Variants in ZNF248 observed in about 807,000 individuals in gnomAD.
ZNF248 encodes zinc finger protein 248.
Under a neutral mutation model 44.3 loss-of-function variants are expected in ZNF248, and 20 were observed. The ratio of observed to expected loss-of-function variants is 0.45; its 90% confidence interval spans 0.32 to 0.66. ZNF248 has a LOEUF of 0.66. Among genes scored for constraint, ZNF248 ranks in the 30% least tolerant of loss-of-function variants. The pLI is 0.04. For missense variants in ZNF248, 654 were observed against 677.0 expected (o/e 0.97, Z 0.38); for synonymous variants, 224 against 229.0 (o/e 0.98, Z 0.20).
At chr10:37,855,648 T>G (rs1163758283) in intron 3 of ZNF248, among the ~76,000 whole-genome samples, 2 of 152,114 alleles carry the variant, frequency 1.3e-5, no homozygotes, top group Non-Finnish European at 2.9e-5. Flanking sequence ...AAGACCATGG[T>G]TAACAATATA....
chr10:37,828,206 T>C (rs113507001), downstream of ZNF248, among the ~76,000 whole-genome samples: 7 of 152,198 alleles, frequency 4.6e-5, no homozygotes, highest in Non-Finnish European at 7.4e-5. Flanking sequence ...GATACACACA[T>C]GTGAACACAC....
At chr10:37,841,353 G>A (rs1310070534) in intron 3 of ZNF248, among the ~76,000 whole-genome samples, 1 of 149,662 alleles carries the variant, frequency 6.7e-6, no homozygotes, top group African/African-American at 2.5e-5. Context: ...TTAAAGTTAT[G>A]TTCTATTTCC....
the ZNF248 span, among the ~76,000 whole-genome samples, chr10:37,771,018 A>G: frequency 5.3e-5 from 8 of 152,352 alleles, no homozygotes; most frequent in East Asian, 7.7e-4. Context: ...AACACATGAA[A>G]AAATGCTTAT....
chr10:37,838,311 C>T (rs879336099), intron 3 of ZNF248, among the ~76,000 whole-genome samples, 200 bp from the exon 4 acceptor site: 4 of 152,128 alleles, frequency 2.6e-5, no homozygotes, highest in Admixed American at 6.5e-5. Context: ...TGCTGCAAAT[C>T]CTACTGGTGA....
At chr10:37,790,526 A>G (rs2048377540) in intron 6 of ZNF248, among the ~76,000 whole-genome samples, 1 of 151,888 alleles carries the variant, frequency 6.6e-6, no homozygotes, top group Non-Finnish European at 1.5e-5. Context: ...CCTGGCCAAC[A>G]TGGTGAAACC....
At chr10:37,796,729 A>G (rs1441940687) in intron 6 of ZNF248, among the ~76,000 whole-genome samples, 3 of 152,030 alleles carry the variant, frequency 2.0e-5, no homozygotes, top group African/African-American at 7.2e-5. Context: ...GTATTTGTAA[A>G]ATAATATTGT....
chr10:37,782,678 T>C (rs940097494), intron 6 of ZNF248, among the ~76,000 whole-genome samples: 1 of 152,042 alleles, frequency 6.6e-6, no homozygotes. Context: ...TAGAGATACA[T>C]TGGGAGGACA....
the ZNF248 span, among the ~76,000 whole-genome samples, chr10:37,765,732 T>C: frequency 6.6e-6 from 1 of 152,200 alleles, no homozygotes. Context: ...ACTGGGTTCA[T>C]CTCACTAGGG....
rs1286704089 is a variant in ZNF248, at chr10:37,831,188, T to C, written c.*427A>G. 1.9e-6 allele frequency: 3 copies of C among 1,539,632 alleles called. No homozygotes were observed. Among genetic ancestry groups the C allele is most frequent in the Non-Finnish European group, 2.6e-6 (3 of 1,141,312 alleles). On this transcript the variant is annotated 3_prime_UTR_variant, in exon 6 of 6. Transcript: ENST00000395867. ...TCCTTATGATCATGTTGAGTTCCAA[T>C]ATACAAATCAAGCATACTCAAATTT...
At chr10:37,797,513 G>T (rs74838903) in intron 6 of ZNF248, among the ~76,000 whole-genome samples, 3,655 of 152,154 alleles carry the variant, frequency 0.024, 69 homozygotes, top group Non-Finnish European at 0.037. Flanking sequence ...AAAGTGAAAA[G>T]ACATCCCACA....
chr10:37,830,077 G>A lies in ZNF248; in HGVS notation c.*1538C>T, dbSNP rs956470232. 10 of 985,214 alleles carry A rather than the reference G, an allele frequency of 1.0e-5. No homozygotes were observed. In the South Asian group the frequency reaches 1.9e-4, roughly 19 times the overall value. The allele number at this position is 985,214 out of a possible 1,614,324, so 61.0% of individuals were successfully genotyped here. On this transcript the variant is annotated 3_prime_UTR_variant, in exon 6 of 6. Transcript: ENST00000395867. Reference sequence around the variant, plus strand: ...CAGAGATACTCTAAAATACTAATACGCAGAACTAGTGTTACATAGACCGTG... The same window carrying A: ...CAGAGATACTCTAAAATACTAATACACAGAACTAGTGTTACATAGACCGTG...
At chr10:37,768,871 C>T in the ZNF248 span, among the ~76,000 whole-genome samples, 1 of 152,176 alleles carries the variant, frequency 6.6e-6, no homozygotes, top group Admixed American at 6.5e-5. Context: ...AGATAGACTG[C>T]TAGCAAGACT....
At position 37,832,239 on chromosome 10, in the gene ZNF248, T is replaced by C; in HGVS notation, c.1116A>G (p.Arg372=). 1 of 1,614,062 alleles carries C rather than the reference T, an allele frequency of 6.2e-7. No homozygotes were observed. The change falls in exon 6 of 6, where the codon AGA becomes AGG. Residue 372 remains arginine, a synonymous_variant. Coordinates refer to ENST00000395867, the MANE Select transcript of ZNF248 (RefSeq NM_021045.3). ...SKKSHLTQLR[R]AHTGEKTFEC... is the part of the protein sequence containing the mutation. Reference sequence around the variant, plus strand: ...CAAAGGTTTTTTCTCCTGTGTGAGCTCTCCGAAGCTGGGTAAGATGTGACT... The same window carrying C: ...CAAAGGTTTTTTCTCCTGTGTGAGCCCTCCGAAGCTGGGTAAGATGTGACT...
the ZNF248 span, among the ~76,000 whole-genome samples, chr10:37,766,748 C>A: frequency 3.3e-5 from 5 of 152,152 alleles, no homozygotes; most frequent in Admixed American, 2.6e-4. Context: ...CAGCTCCTCA[C>A]CAGCAACGGA....
rs2055919964 is a variant in ZNF248 at position 37,832,291 on chromosome 10, T to C, written c.1064A>G (p.Asn355Ser). Residue 355 changes from asparagine (N) to serine (S), a missense_variant, in exon 6 of 6, where the codon AAT becomes AGT. Physicochemically the swap from Asn to Ser is conservative, Grantham distance 46. Transcript: ENST00000395867. ...CTTGCTGAAATTACTCCCATTTTCA[T>C]TGTAATCATAAGACTTTCCCCCCAT... Reference protein sequence around the residue: ...VHMGGKSYDYNENGSNFSKKS... With the variant: ...VHMGGKSYDYSENGSNFSKKS... 6.2e-7 allele frequency: 1 copy of C among 1,614,082 alleles called. No homozygotes were observed. Among genetic ancestry groups the C allele is most frequent in the Non-Finnish European group, 8.5e-7 (1 of 1,179,964 alleles).
intron 6 of ZNF248, among the ~76,000 whole-genome samples, chr10:37,786,942 C>A (rs1044566338): frequency 6.6e-6 from 1 of 152,060 alleles, no homozygotes; most frequent in Non-Finnish European, 1.5e-5. Flanking sequence ...CCAAAACAAT[C>A]TTGAAAGAGA....
Position 37,829,717 on chromosome 10 carries a change from C to T in ZNF248, c.*1898G>A. Reference sequence around the variant, plus strand: ...CAGAGATAAAAACGATAAGCCAATACCATGTTACAGACATGAAAAAGCCCA... The same window carrying T: ...CAGAGATAAAAACGATAAGCCAATATCATGTTACAGACATGAAAAAGCCCA... On this transcript the variant is annotated 3_prime_UTR_variant, in exon 6 of 6. Coordinates refer to ENST00000395867, the MANE Select transcript of ZNF248 (RefSeq NM_021045.3). 10 of 985,322 alleles carry T rather than the reference C, an allele frequency of 1.0e-5. No homozygotes were observed. Among genetic ancestry groups the T allele is most frequent in the Non-Finnish European group, 1.2e-5 (10 of 829,916 alleles). 61.0% of individuals were successfully genotyped at this position (985,322 alleles called of 1,614,324 possible).
chr10:37,797,224 A>G (rs1429825113), intron 6 of ZNF248, among the ~76,000 whole-genome samples: 3 of 152,180 alleles, frequency 2.0e-5, no homozygotes, highest in Non-Finnish European at 4.4e-5. Flanking sequence ...GCTTTAAACA[A>G]AGATCTAGAT....
At chr10:37,783,768 A>G (rs2047570737) in intron 6 of ZNF248, 1 of 152,230 alleles carries the variant, frequency 6.6e-6, no homozygotes, top group Non-Finnish European at 1.5e-5. Context: ...GGCCTCCCAA[A>G]GCCATAGCAA....
Sources: allele counts gnomAD v4.1 joint callset (sites outside exome capture counted in the v4.1 genomes callset), GRCh38; gene constraint gnomAD v4.1.1; transcripts MANE v1.5; gene names NCBI Gene and HGNC (gene_info 2026-07-23, HGNC 2026-07-21).